Variants in SETD5 observed in about 807,000 individuals in gnomAD.
The protein encoded by SETD5 is SET domain containing 5, also known as histone-lysine N-methyltransferase SETD5.
SETD5 carries 44 observed loss-of-function variants against 153.3 expected under a neutral mutation model. The observed-to-expected ratio is 0.29, with a 90% CI of 0.23 to 0.37. The LOEUF (loss-of-function observed/expected upper bound fraction) is 0.37. Among genes scored for constraint, SETD5 ranks in the 10% least tolerant of loss-of-function variants. The pLI, the probability that SETD5 is intolerant of heterozygous loss-of-function variation, is 1.00. For missense variants in SETD5, 1,544 were observed against 1,768.0 expected, an observed-to-expected ratio of 0.87 and a Z score of 2.27; for synonymous variants, 716 against 645.2, an observed-to-expected ratio of 1.11 and a Z score of -1.66.
intron 18 of SETD5, among the ~76,000 whole-genome samples, chr3:9,469,559 G>C (rs527669539): frequency 2.0e-5 from 3 of 152,108 alleles, no homozygotes; most frequent in African/African-American, 7.2e-5. Flanking sequence ...GATTTTCTTG[G>C]TGTTTTGACT....
At chr3:9,447,640 C>T (rs755460171) in intron 14 of SETD5, 46 bp from the exon 15 acceptor site, 54 of 1,573,318 alleles carry the variant, frequency 3.4e-5, no homozygotes, top group Non-Finnish European at 4.7e-5. Flanking sequence ...AGACTGTTTG[C>T]TGATAAAACA....
chr3:9,460,263 T>TAA (rs373419555), intron 17 of SETD5, among the ~76,000 whole-genome samples: 55 of 143,868 alleles, frequency 3.8e-4, no homozygotes, highest in South Asian at 1.5e-3. Context: ...TTCATAGTAG[T>TAA]AAAAAAAAAA....
chr3:9,400,758 T>C (rs2034634634), intron 1 of SETD5, among the ~76,000 whole-genome samples: 1 of 152,158 alleles, frequency 6.6e-6, no homozygotes, highest in Non-Finnish European at 1.5e-5. Flanking sequence ...CCAGAAGAAA[T>C]ATGCAGAAAT....
rs1431118340 is a variant in SETD5 at position 9,447,081 on chromosome 3, T to C, written c.1556T>C (p.Met519Thr). 1.9e-6 allele frequency: 3 copies of C among 1,613,428 alleles called. No individual in the cohort carries two copies. The highest frequency in any genetic ancestry group is 1.3e-5 in the African/African-American group (1 of 74,884). ...TREDRKVEAI[M>T]HAFENLEKRK... ...GAAGATAGAAAGGTAGAAGCCATCA[T>C]GCATGCTTTTGAAAACTTAGAGAAA... Residue 519 changes from methionine to threonine, a missense_variant, in exon 14 of 23, where the codon ATG becomes ACG. Physicochemically the swap from Met to Thr is moderately conservative, Grantham distance 81 (BLOSUM62 -1). Around this residue, in one of 9 missense-constraint regions of SETD5, gnomAD observed 782 missense variants for 787.2 expected, o/e 0.99. Coordinates refer to ENST00000402198, the MANE Select transcript of SETD5 (RefSeq NM_001080517.3).
In SETD5 at chr3:9,470,891, G is replaced by A; in HGVS notation, c.3157G>A (p.Val1053Ile). ...SPGGERACEG[V>I]PSAPQNPPQR... ...TGGTGGTGAAAGGGCCTGTGAAGGA[G>A]TCCCATCTGCCCCCCAGAACCCACC... Residue 1053 changes from valine (V) to isoleucine (I), a missense_variant, in exon 19 of 23, where the codon GTC becomes ATC. Val to Ile is a conservative substitution (Grantham distance 29, BLOSUM62 3). Transcript: ENST00000402198. 6.2e-7 allele frequency: 1 copy of A among 1,607,048 alleles called. No homozygotes were observed. The highest frequency in any genetic ancestry group is 1.1e-5 in the South Asian group (1 of 89,914).
chr3:9,407,520 G>A (rs2035894541), intron 1 of SETD5, among the ~76,000 whole-genome samples: 1 of 152,092 alleles, frequency 6.6e-6, no homozygotes, highest in Admixed American at 6.6e-5. Flanking sequence ...AGTACACCGA[G>A]CAACAAGAGA....
chr3:9,433,632 GGCTTCA>G, intron 3 of SETD5: 1 of 990,042 alleles, frequency 1.0e-6, no homozygotes, highest in Non-Finnish European at 1.4e-6. Context: ...TGCCTGTACT[GGCTTCA>G]TGTTACACAC....
Position 9,474,874 on chromosome 3 carries a change from T to C in SETD5, c.3632-194T>C, listed in dbSNP as rs571118477. On this transcript the variant is annotated intron_variant, in intron 21 of 22. Transcript: ENST00000402198. ...AGGATGAAGAGAAAGAAGACGGGAA[T>C]CACATCAGGCATTTAGAACATAGCC... 8.7e-4 allele frequency: 540 copies of C among 622,488 alleles called. 2 individuals carry two copies. The highest frequency in any genetic ancestry group is 1.2e-3 in the Admixed American group (39 of 33,022). 38.6% of individuals were successfully genotyped at this position (622,488 alleles called of 1,614,324 possible).
At chr3:9,442,320 C>G in intron 10 of SETD5, 75 bp downstream of exon 10, 1 of 1,064,108 alleles carries the variant, frequency 9.4e-7, no homozygotes, top group Non-Finnish European at 1.4e-6. Flanking sequence ...AGTGTGAAAA[C>G]TTCACTCAGA....
Position 9,475,701 on chromosome 3 carries a change from A to G in SETD5, c.3939A>G (p.Pro1313=), listed in dbSNP as rs2125630783. Residue 1313 remains proline (P), a synonymous_variant, in exon 23 of 23, where the codon CCA becomes CCG. Coordinates refer to ENST00000402198, the MANE Select transcript of SETD5 (RefSeq NM_001080517.3). ...AHPVSTDSLA[P]FTGTPGYFSS... ...CTGTGTCCACAGACTCGTTGGCCCC[A>G]TTTACGGGGACACCAGGGTATTTTA... The G allele has an allele frequency of 1.2e-6, 2 of 1,613,812 alleles. No individual in the cohort carries two copies. The highest frequency in any genetic ancestry group is 1.7e-6 in the Non-Finnish European group (2 of 1,179,846).
chr3:9,401,883 T>C (rs2034841345), intron 1 of SETD5, among the ~76,000 whole-genome samples: 1 of 152,248 alleles, frequency 6.6e-6, no homozygotes, highest in Non-Finnish European at 1.5e-5. Context: ...GGCATCAAAC[T>C]TTGCAAAATG....
chr3:9,447,029 A>T, intron 13 of SETD5, 21 bp from the exon 14 acceptor site: 2 of 1,587,134 alleles, frequency 1.3e-6, no homozygotes, highest in Non-Finnish European at 1.7e-6. Flanking sequence ...TTCCTTCTAC[A>T]CCAGTACTAT....
chr3:9,406,980 A>G (rs757581964), intron 1 of SETD5, among the ~76,000 whole-genome samples: 1 of 152,232 alleles, frequency 6.6e-6, no homozygotes, highest in African/African-American at 2.4e-5. Flanking sequence ...CCAGATATTT[A>G]GTGTTAATCC....
chr3:9,448,366 A>G, intron 15 of SETD5, 22 bp from the exon 16 acceptor site: 18 of 1,611,474 alleles, frequency 1.1e-5, no homozygotes, highest in Non-Finnish European at 1.3e-5. Context: ...TTTATAAACT[A>G]ATGATCTCTT....
Position 9,475,828 on chromosome 3 carries a change from C to G in SETD5, c.4066C>G (p.Pro1356Ala). 1 of 1,614,056 alleles carries G rather than the reference C, an allele frequency of 6.2e-7. No homozygotes were observed. Among genetic ancestry groups the G allele is most frequent in the East Asian group, 2.2e-5 (1 of 44,884 alleles). Residue 1356 changes from proline to alanine, a missense_variant, in exon 23 of 23, where the codon CCA becomes GCA. By Grantham distance (27) the Pro-to-Ala change is conservative. Transcript: ENST00000402198. ...SPTLQGPSDS[P>A]TSDSVSQSST... ...TACCCTGCAGGGACCCTCAGACTCG[C>G]CAACCTCAGATTCAGTTTCTCAGTC...
intron 3 of SETD5, chr3:9,429,918 G>A: frequency 7.7e-7 from 1 of 1,303,048 alleles, no homozygotes; most frequent in Non-Finnish European, 1.0e-6. Context: ...GGCCTAGGGG[G>A]CAGCACACCC....
intron 17 of SETD5, among the ~76,000 whole-genome samples, chr3:9,461,786 A>T (rs2043981668): frequency 6.6e-6 from 1 of 152,182 alleles, no homozygotes; most frequent in African/African-American, 2.4e-5. Context: ...ACTTAACATA[A>T]TTGACTTTGA....
chr3:9,467,144 G>A (rs1367714798), intron 18 of SETD5, among the ~76,000 whole-genome samples: 7 of 134,436 alleles, frequency 5.2e-5, no homozygotes, highest in African/African-American at 2.0e-4. Flanking sequence ...AGGGAGCCAA[G>A]ACTGCGCCAC....
At chr3:9,461,101 T>C (rs1399793362) in intron 17 of SETD5, among the ~76,000 whole-genome samples, 1 of 152,148 alleles carries the variant, frequency 6.6e-6, no homozygotes, top group Non-Finnish European at 1.5e-5. Context: ...CCCTTACAGA[T>C]GAAGAAAAAG....
Sources: allele counts gnomAD v4.1 joint callset (sites outside exome capture counted in the v4.1 genomes callset), GRCh38; gene constraint gnomAD v4.1.1; regional missense constraint gnomAD v4.1.1; transcripts MANE v1.5; gene names NCBI Gene and HGNC (gene_info 2026-07-23, HGNC 2026-07-21).